The following ALG12 variants were observed in gnomAD, a reference collection of about 807,000 sequenced individuals.
The protein encoded by ALG12 is dol-P-Man:Man(7)GlcNAc(2)-PP-Dol alpha-1,6-mannosyltransferase.
In ALG12, 36 loss-of-function variants were observed where a neutral mutation model predicts 46.0. That is an observed-to-expected ratio of 0.78 (90% CI 0.60 to 1.03). The LOEUF is 1.03. Among genes scored for constraint, ALG12 ranks in the 50% least tolerant of loss-of-function variants. The probability of loss-of-function intolerance (pLI) is 0.00; values close to 1 mark genes in which losing one functional copy is unlikely to be tolerated. For missense variants in ALG12, 599 were observed against 633.5 expected (o/e 0.95, Z 0.58); for synonymous variants, 326 against 291.6 (o/e 1.12, Z -1.20).
the ALG12 span, among the ~76,000 whole-genome samples, chr22:49,875,700 C>T: frequency 5.9e-5 from 9 of 152,164 alleles, no homozygotes; most frequent in East Asian, 1.2e-3. Context: ...GGATTACAGG[C>T]GTGAGTCACC....
At chr22:49,864,874 C>T in the ALG12 span, among the ~76,000 whole-genome samples, 10 of 135,922 alleles carry the variant, frequency 7.4e-5, no homozygotes, top group African/African-American at 3.0e-4. Flanking sequence ...TGAAAGATTG[C>T]GAGTCAAACC....
rs772501338 is a variant in ALG12, at chr22:49,907,795, T to G, written c.918A>C (p.Pro306=). The change falls in exon 7 of 10, where the codon CCA becomes CCC. Residue 306 remains proline, a synonymous_variant. Transcript: ENST00000330817. ...AGATGATGAAGCGTAGCTCCTTGTG[T>G]GGCAGGAGGGAGTAGAGTGCCATGA... ...LGFMALYSLL[P]HKELRFIIYA... The G allele has an allele frequency of 9.9e-6, 16 of 1,614,002 alleles. No individual in the cohort carries two copies. The highest frequency in any genetic ancestry group is 2.7e-5 in the African/African-American group (2 of 74,914).
chr22:49,870,151 T>C, the ALG12 span, among the ~76,000 whole-genome samples: 1 of 152,210 alleles, frequency 6.6e-6, no homozygotes, highest in East Asian at 1.9e-4. Flanking sequence ...GCAAGGGACA[T>C]GATTTTGTTC....
the ALG12 span, chr22:49,884,320 G>A: frequency 1.1e-5 from 17 of 1,613,756 alleles, no homozygotes; most frequent in East Asian, 8.9e-5. Flanking sequence ...CCCGTCCCCC[G>A]ATCGAATAAC....
the ALG12 span, among the ~76,000 whole-genome samples, chr22:49,890,579 A>G: frequency 2.0e-5 from 3 of 152,214 alleles, no homozygotes; most frequent in Non-Finnish European, 4.4e-5. Context: ...ATGATTTCCC[A>G]ACAAAACTCT....
At chr22:49,896,398 TGAGG>T (rs1257554689), downstream of ALG12, among the ~76,000 whole-genome samples, 2 of 152,192 alleles carry the variant, frequency 1.3e-5, no homozygotes, top group Non-Finnish European at 2.9e-5. Flanking sequence ...TTGAGGTGGG[TGAGG>T]GAGGAGAGGC....
chr22:49,906,399 G>A lies in ALG12; in HGVS notation c.992+1322C>T, dbSNP rs1293694818. On this transcript the variant is annotated intron_variant, in intron 7 of 9. Coordinates refer to ENST00000330817, the MANE Select transcript of ALG12 (RefSeq NM_024105.4). The surrounding 1 kb of genome is among the most constrained non-coding windows in gnomAD (Gnocchi z 4.4). The stretch of plus-strand genomic sequence containing the variant: ...AGAAAAGCAGAGGCAGAGCTCCCAG[G>A]AGCCCCCACTGAGGCGCGGCTACAG... Among the ~76,000 whole-genome samples the A allele has an allele frequency of 6.6e-6, 1 of 152,078 alleles. No homozygotes were observed. The highest frequency in any genetic ancestry group is 6.5e-5 in the Admixed American group (1 of 15,268).
chr22:49,869,677 T>C, the ALG12 span, among the ~76,000 whole-genome samples: 1 of 152,184 alleles, frequency 6.6e-6, no homozygotes, highest in African/African-American at 2.4e-5. Context: ...GGAAATAATC[T>C]GATATACGTA....
downstream of ALG12, among the ~76,000 whole-genome samples, chr22:49,896,740 A>G (rs904587627): frequency 2.0e-5 from 3 of 152,124 alleles, no homozygotes; most frequent in South Asian, 2.1e-4. Flanking sequence ...GGTTCAAGCA[A>G]TCCTCCTGCT....
At position 49,903,951 on chromosome 22, in the gene ALG12, C is replaced by T. The variant is rs1238376550; in HGVS notation, c.1354G>A (p.Ala452Thr). ...ACACCTGTGGTCCCCACGACGCTGG[C>T]CAGGACCCGGTGTGTGTCCCTGTAG... ...ALYRDTHRVL[A>T]SVVGTTGVSL... is the part of the protein sequence containing the mutation. The change falls in exon 10 of 10, where the codon GCC becomes ACC. Residue 452 changes from alanine (A) to threonine (T), a missense_variant. Physicochemically the swap from Ala to Thr is moderately conservative, Grantham distance 58 (BLOSUM62 0). Coordinates refer to ENST00000330817, the MANE Select transcript of ALG12 (RefSeq NM_024105.4). 2 of 1,614,084 alleles carry T rather than the reference C, an allele frequency of 1.2e-6. No individual in the cohort carries two copies. The highest frequency in any genetic ancestry group is 2.7e-5 in the African/African-American group (2 of 74,942).
At chr22:49,917,413 G>A (rs2060618115) in intron 1 of ALG12, among the ~76,000 whole-genome samples, 1 of 152,210 alleles carries the variant, frequency 6.6e-6, no homozygotes, top group Non-Finnish European at 1.5e-5. Context: ...GCTCACGCCT[G>A]TAACCCTAGC....
the ALG12 span, among the ~76,000 whole-genome samples, chr22:49,873,847 T>A: frequency 2.2e-3 from 182 of 81,080 alleles, 2 homozygotes; most frequent in South Asian, 0.036. Context: ...ACGGCCCACC[T>A]TGTAGGTTGG....
downstream of ALG12, among the ~76,000 whole-genome samples, chr22:49,898,408 T>C (rs529685111): frequency 6.4e-4 from 97 of 152,046 alleles, 1 homozygote; most frequent in African/African-American, 2.3e-3. Flanking sequence ...TTTTTTTTTT[T>C]GAGATGGAGT....
the ALG12 span, among the ~76,000 whole-genome samples, chr22:49,893,287 G>A: frequency 6.6e-6 from 1 of 152,284 alleles, no homozygotes; most frequent in Admixed American, 6.5e-5. Flanking sequence ...AGAACTGTTG[G>A]GACATCAGCC....
At chr22:49,876,571 C>T in the ALG12 span, among the ~76,000 whole-genome samples, 4 of 151,946 alleles carry the variant, frequency 2.6e-5, no homozygotes, top group Admixed American at 1.3e-4. Context: ...GTATTAATGT[C>T]GCCACTCCAG....
Position 49,909,922 on chromosome 22 carries a change from G to A in ALG12, c.636C>T (p.His212=), listed in dbSNP as rs771034460. 26 of 1,614,032 alleles carry A rather than the reference G, an allele frequency of 1.6e-5. No individual in the cohort carries two copies. The highest frequency in any genetic ancestry group is 2.7e-5 in the African/African-American group (2 of 74,952). Residue 212 remains histidine (H), a synonymous_variant, in exon 5 of 10, where the codon CAC becomes CAT. Coordinates refer to ENST00000330817, the MANE Select transcript of ALG12 (RefSeq NM_024105.4). The part of the protein sequence containing the change: ...RKVSVVRALR[H]AVPAGILCLG... ...AACAGAGGATCCCTGCCGGGACGGCGTGGCGAAGGGCTCTGACTACAGAAA... is the reference window on the plus strand; with the variant it reads ...AACAGAGGATCCCTGCCGGGACGGCATGGCGAAGGGCTCTGACTACAGAAA...
At chr22:49,859,455 A>C in the ALG12 span, among the ~76,000 whole-genome samples, 1 of 151,952 alleles carries the variant, frequency 6.6e-6, no homozygotes, top group Non-Finnish European at 1.5e-5. Context: ...TTCACTCCAT[A>C]CGTGGTCCTG....
chr22:49,897,478 C>T (rs182844201), downstream of ALG12, among the ~76,000 whole-genome samples: 118 of 152,258 alleles, frequency 7.7e-4, no homozygotes, highest in East Asian at 1.3e-3. Flanking sequence ...CACATCCGCA[C>T]CAGCACTTGG....
chr22:49,909,654 CTT>C lies in ALG12; in HGVS notation c.664+238_664+239del, dbSNP rs35341392. Among the ~76,000 whole-genome samples the C allele has an allele frequency of 1.6e-4, 24 of 152,370 alleles. 2 individuals are homozygous for C. In the South Asian group the frequency reaches 1.9e-3, roughly 12 times the overall value. ...GCGCAGGGACAAGCCGCCCTCCACT[CTT>C]GTGGCCTCCCCCAGCCCAAGGACAA... On this transcript the variant is annotated intron_variant, in intron 5 of 9. Transcript: ENST00000330817.
Sources: gnomAD v4.1 joint callset for allele counts (sites outside exome capture counted in the v4.1 genomes callset) on GRCh38, gnomAD v4.1.1 for gene constraint, Gnocchi (gnomAD v3.1) non-coding constraint, MANE v1.5 for transcripts, NCBI Gene and HGNC (gene_info 2026-07-23, HGNC 2026-07-21) for gene names.